NDFIP2: variants seen among roughly 807,000 people sequenced by gnomAD.
The protein encoded by NDFIP2 is Nedd4 family interacting protein 2, also known as NEDD4 family-interacting protein 2.
In NDFIP2, 19 loss-of-function variants were observed where a neutral mutation model predicts 36.0. The observed-to-expected ratio is 0.53, with a 90% CI of 0.37 to 0.77. The LOEUF (loss-of-function observed/expected upper bound fraction) is 0.77, where lower values mean the gene tolerates loss of function less well. Ranked by LOEUF, NDFIP2 falls within the 30% of genes least tolerant of loss-of-function variation. The pLI, the probability that NDFIP2 is intolerant of heterozygous loss-of-function variation, is 0.00. For synonymous variants in NDFIP2, 181 were observed against 167.7 expected (o/e 1.08, Z -0.61); for missense variants, 446 against 435.8 (o/e 1.02, Z -0.21).
chr13:79,551,085 G>A lies in NDFIP2; in HGVS notation c.976G>A (p.Ala326Thr). ...CAGAAACATGTCTGAAAGTATGGCAGCTGCTCATAGAACAAGGTATTTCTT... is the reference window on the plus strand; with the variant it reads ...CAGAAACATGTCTGAAAGTATGGCAACTGCTCATAGAACAAGGTATTTCTT... Reference protein sequence around the residue: ...KVRNMSESMAAAHRTRYFFLL With the variant: ...KVRNMSESMATAHRTRYFFLL The change falls in exon 7 of 8, where the codon GCT (alanine) becomes ACT (threonine). Residue 326 changes from alanine (A) to threonine (T), a missense_variant. Physicochemically the swap from Ala to Thr is moderately conservative, Grantham distance 58. Transcript: ENST00000218652. 1 of 1,603,214 alleles carries A rather than the reference G, an allele frequency of 6.2e-7. No individual in the cohort carries two copies. Among genetic ancestry groups the A allele is most frequent in the Non-Finnish European group, 8.5e-7 (1 of 1,173,894 alleles).
At chr13:79,512,229 T>C (rs1046420558) in intron 1 of NDFIP2, among the ~76,000 whole-genome samples, 10 of 152,312 alleles carry the variant, frequency 6.6e-5, no homozygotes, top group African/African-American at 2.4e-4. Context: ...GTCAATGCCT[T>C]TGTTGGATAG....
intron 1 of NDFIP2, among the ~76,000 whole-genome samples, chr13:79,492,960 A>G (rs530904789): frequency 1.3e-5 from 2 of 152,154 alleles, no homozygotes; most frequent in African/African-American, 4.8e-5. Context: ...ATTTTCTTCA[A>G]AAAACCTTTC....
Position 79,552,690 on chromosome 13 carries a change from C to G in NDFIP2, c.*177C>G, listed in dbSNP as rs1875952762. 6.6e-6 allele frequency: 1 copy of G among 151,878 alleles called. No individual in the cohort carries two copies. The highest frequency in any genetic ancestry group is 2.4e-5 in the African/African-American group (1 of 41,482). The allele number at this position is 151,878 out of a possible 1,614,324, so 9.4% of individuals were successfully genotyped here. On this transcript the variant is annotated 3_prime_UTR_variant, in exon 8 of 8. Coordinates refer to ENST00000218652, the MANE Select transcript of NDFIP2 (RefSeq NM_019080.3). The stretch of plus-strand genomic sequence containing the variant: ...TGCTTACAAGCCATTTCTGTTCATT[C>G]TTTAAGTATCTATATTTCATTTGTT...
chr13:79,518,907 C>T (rs567987256), intron 1 of NDFIP2: 1 of 152,404 alleles, frequency 6.6e-6, no homozygotes, highest in African/African-American at 2.4e-5. Context: ...CTCCTAGGCT[C>T]AAGTGATTCT....
intron 2 of NDFIP2, among the ~76,000 whole-genome samples, chr13:79,523,270 G>T (rs1874656382): frequency 6.6e-6 from 1 of 152,208 alleles, no homozygotes; most frequent in East Asian, 1.9e-4. Flanking sequence ...GCCCAGGCTG[G>T]AGTGCAATGG....
intron 1 of NDFIP2, among the ~76,000 whole-genome samples, chr13:79,497,648 G>C (rs189490670): frequency 6.9e-6 from 1 of 145,068 alleles, no homozygotes; most frequent in East Asian, 2.0e-4. Flanking sequence ...AGAGCCAACT[G>C]TAGATTTCTG....
At chr13:79,530,138 G>A (rs966475295) in intron 2 of NDFIP2, among the ~76,000 whole-genome samples, 2 of 152,080 alleles carry the variant, frequency 1.3e-5, no homozygotes, top group African/African-American at 4.8e-5. Flanking sequence ...TATTGGGGTG[G>A]CTATGGCAAT....
chr13:79,534,938 G>A (rs932631971), intron 3 of NDFIP2, among the ~76,000 whole-genome samples: 6 of 152,132 alleles, frequency 3.9e-5, no homozygotes, highest in African/African-American at 1.2e-4. Flanking sequence ...TTTGGACACA[G>A]TTATGAAGGT....
rs556329186 is a variant in NDFIP2 at position 79,535,906 on chromosome 13, A to G, written c.621+2450A>G. 2.0e-5 allele frequency among the ~76,000 whole-genome samples: 3 copies of G among 152,344 alleles called. No homozygotes were observed. The East Asian group carries it at 5.8e-4, about 29-fold the overall frequency. On this transcript the variant is annotated intron_variant, in intron 3 of 7. Transcript: ENST00000218652. ...AATATATACAGTTTTTGTCAATTAC[A>G]AACAAAATTTAAAAATTGAAAAAAA...
chr13:79,517,812 G>A lies in NDFIP2; in HGVS notation c.322-2998G>A, dbSNP rs1468452580. Among the ~76,000 whole-genome samples, 6 of 152,180 alleles carry A rather than the reference G, an allele frequency of 3.9e-5. 1 individual carries two copies. The highest frequency in any genetic ancestry group is 3.3e-4 in the Admixed American group (5 of 15,268). Reference sequence around the variant, plus strand: ...AAATTTTGACAGTTTTTGAAAGTAAGTTGGTCATTCTGGGGAGCACATTTA... The same window carrying A: ...AAATTTTGACAGTTTTTGAAAGTAAATTGGTCATTCTGGGGAGCACATTTA... On this transcript the variant is annotated intron_variant, in intron 1 of 7. Coordinates refer to ENST00000218652, the MANE Select transcript of NDFIP2 (RefSeq NM_019080.3).
At chr13:79,491,729 TCTA>T (rs1873231957) in intron 1 of NDFIP2, among the ~76,000 whole-genome samples, 1 of 152,228 alleles carries the variant, frequency 6.6e-6, no homozygotes, top group Admixed American at 6.5e-5. Flanking sequence ...TATGGAATCT[TCTA>T]CTGACGTTTA....
chr13:79,547,849 G>A, intron 5 of NDFIP2, among the ~76,000 whole-genome samples: 1 of 152,128 alleles, frequency 6.6e-6, no homozygotes, highest in Non-Finnish European at 1.5e-5. Context: ...ATTAACAGTA[G>A]GGGGTGTACA....
chr13:79,507,366 C>T (rs1480114956), intron 1 of NDFIP2, among the ~76,000 whole-genome samples: 1 of 21,784 alleles, frequency 4.6e-5, no homozygotes, highest in Non-Finnish European at 6.9e-5. Context: ...CTCCGCCTCC[C>T]GGGTTCACGC....
intron 4 of NDFIP2, among the ~76,000 whole-genome samples, chr13:79,542,590 G>A (rs1228104870): frequency 6.6e-6 from 1 of 150,462 alleles, no homozygotes; most frequent in Non-Finnish European, 1.5e-5. Context: ...AACAATTGAT[G>A]TTAAGCATCT....
intron 2 of NDFIP2, among the ~76,000 whole-genome samples, chr13:79,523,856 G>C (rs953649941): frequency 6.6e-6 from 1 of 152,170 alleles, no homozygotes; most frequent in Non-Finnish European, 1.5e-5. Context: ...TCACGATGTC[G>C]ATGAGTATGG....
chr13:79,547,637 T>G (rs1436043060), intron 5 of NDFIP2, among the ~76,000 whole-genome samples: 1 of 152,124 alleles, frequency 6.6e-6, no homozygotes, highest in Non-Finnish European at 1.5e-5. Flanking sequence ...AAATTCTGCC[T>G]TCCATCTGCC....
chr13:79,515,923 CTT>C (rs1212192583), intron 1 of NDFIP2, among the ~76,000 whole-genome samples: 15 of 40,118 alleles, frequency 3.7e-4, no homozygotes, highest in Admixed American at 6.3e-4. Context: ...TAAGGTTTTT[CTT>C]TTTTTTTTTT....
chr13:79,481,466 C>G lies in NDFIP2; in HGVS notation c.263C>G (p.Pro88Arg). The part of the protein sequence containing the change: ...EHGEDSLSRK[P>R]DPEPGRMDHH... ...GGAGAAGACTCCCTCTCTCGGAAGC[C>G]GGATCCCGAGCCGGGCAGGATGGAT... Residue 88 changes from proline (P) to arginine (R), a missense_variant, in exon 1 of 8, where the codon CCG becomes CGG. By Grantham distance (103) the Pro-to-Arg change is moderately radical. This residue lies in a region of NDFIP2 where 369 missense variants were observed against 304.8 expected (regional missense o/e 1.21). Coordinates refer to ENST00000218652, the MANE Select transcript of NDFIP2 (RefSeq NM_019080.3). The G allele has an allele frequency of 6.4e-7, 1 of 1,563,480 alleles. No homozygotes were observed. Among genetic ancestry groups the G allele is most frequent in the Non-Finnish European group, 8.7e-7 (1 of 1,153,526 alleles).
At chr13:79,517,353 A>G (rs1434871456) in intron 1 of NDFIP2, among the ~76,000 whole-genome samples, 3 of 152,116 alleles carry the variant, frequency 2.0e-5, no homozygotes, top group African/African-American at 7.2e-5. Context: ...TTTGCTGTTT[A>G]GATGATTGTT....
Sources: allele counts gnomAD v4.1 joint callset (sites outside exome capture counted in the v4.1 genomes callset), GRCh38; gene constraint gnomAD v4.1.1; regional missense constraint gnomAD v4.1.1; transcripts MANE v1.5; gene names NCBI Gene and HGNC (gene_info 2026-07-23, HGNC 2026-07-21).